The following SELENOI variants were observed in gnomAD, a reference collection of about 807,000 sequenced individuals.
SELENOI encodes the protein selenoprotein I.
SELENOI carries 24 observed loss-of-function variants against 50.7 expected under a neutral mutation model. That is an observed-to-expected ratio of 0.47 (90% confidence interval 0.34 to 0.67). The LOEUF (loss-of-function observed/expected upper bound fraction) is 0.67, where lower values mean the gene tolerates loss of function less well. SELENOI is among the 30% of genes least tolerant of loss of function. SELENOI has a pLI of 0.01. For missense variants in SELENOI, 352 were observed against 461.4 expected (o/e 0.76, Z 2.17); for synonymous variants, 155 against 170.2 (o/e 0.91, Z 0.70).
chr2:26,347,926 A>G (rs1332091845), intron 1 of SELENOI, among the ~76,000 whole-genome samples: 1 of 152,188 alleles, frequency 6.6e-6, no homozygotes, highest in Non-Finnish European at 1.5e-5. Context: ...CTGACAGCAG[A>G]TGACTTCCTA....
chr2:26,382,039 T>C (rs900989146), intron 6 of SELENOI, among the ~76,000 whole-genome samples: 1 of 152,146 alleles, frequency 6.6e-6, no homozygotes, highest in African/African-American at 2.4e-5. Flanking sequence ...AGAAAATAAT[T>C]AGGAACTTAT....
intron 1 of SELENOI, among the ~76,000 whole-genome samples, chr2:26,360,143 A>G (rs1278712287): frequency 6.6e-6 from 1 of 152,200 alleles, no homozygotes; most frequent in Admixed American, 6.5e-5. Context: ...CTAGTCTAGC[A>G]CCTTTAAAAG....
intron 9 of SELENOI, among the ~76,000 whole-genome samples, chr2:26,387,796 T>C (rs1487851360): frequency 1.3e-5 from 2 of 152,124 alleles, no homozygotes; most frequent in Admixed American, 1.3e-4. Flanking sequence ...GATAATTTCA[T>C]AGGAATGGGG....
At chr2:26,348,711 A>G (rs370829972) in intron 1 of SELENOI, among the ~76,000 whole-genome samples, 101 of 149,970 alleles carry the variant, frequency 6.7e-4, no homozygotes, top group African/African-American at 2.3e-3. Context: ...TTTTTCTTTA[A>G]TAACATGACT....
chr2:26,380,543 T>A (rs1677668721), intron 6 of SELENOI, among the ~76,000 whole-genome samples: 1 of 152,232 alleles, frequency 6.6e-6, no homozygotes, highest in Admixed American at 6.5e-5. Flanking sequence ...AATAGACATT[T>A]GGGTTAGTTC....
chr2:26,359,167 G>A (rs759390919), intron 1 of SELENOI, among the ~76,000 whole-genome samples: 1 of 152,150 alleles, frequency 6.6e-6, no homozygotes, highest in Admixed American at 6.5e-5. Context: ...GGCCTGCAAA[G>A]CCTCAAATAT....
intron 1 of SELENOI, among the ~76,000 whole-genome samples, chr2:26,353,462 A>G (rs1488954104): frequency 2.6e-5 from 4 of 152,242 alleles, no homozygotes; most frequent in African/African-American, 9.6e-5. Context: ...TATGACTACA[A>G]GCTGACTACA....
chr2:26,371,830 C>T (rs752629291), intron 4 of SELENOI, among the ~76,000 whole-genome samples: 8 of 152,108 alleles, frequency 5.3e-5, no homozygotes, highest in African/African-American at 9.7e-5. Flanking sequence ...AGCTTCGGCT[C>T]GGCATGAGAG....
chr2:26,384,471 C>T (rs1677797897), intron 7 of SELENOI, among the ~76,000 whole-genome samples: 1 of 152,140 alleles, frequency 6.6e-6, no homozygotes, highest in African/African-American at 2.4e-5. Context: ...CTCCTGTGTG[C>T]TTAGAGACAC....
chr2:26,365,904 C>T (rs754037940), intron 3 of SELENOI, among the ~76,000 whole-genome samples: 37 of 148,806 alleles, frequency 2.5e-4, no homozygotes, highest in Admixed American at 2.1e-3. Flanking sequence ...CAGGTTCAAG[C>T]GATTCTCCTG....
At chr2:26,354,475 C>G (rs577332407) in intron 1 of SELENOI, among the ~76,000 whole-genome samples, 1 of 152,248 alleles carries the variant, frequency 6.6e-6, no homozygotes, top group South Asian at 2.1e-4. Context: ...CAAGCTCCGC[C>G]TCCTGGGTTC....
At position 26,346,145 on chromosome 2, in the gene SELENOI, C is replaced by A; in HGVS notation, c.-88C>A. ...CCTTCTCGGGCAGCCCAGTCTTTGC[C>A]ATCCTTGCCCAGCCGGTGTGGTGCT... On this transcript the variant is annotated 5_prime_UTR_variant, in exon 1 of 10. Coordinates refer to ENST00000260585, the MANE Select transcript of SELENOI (RefSeq NM_033505.4). The A allele has an allele frequency of 6.2e-7, 1 of 1,604,184 alleles. No homozygotes were observed. Among genetic ancestry groups the A allele is most frequent in the Non-Finnish European group, 8.5e-7 (1 of 1,175,924 alleles).
chr2:26,368,652 T>C (rs1484600782), intron 4 of SELENOI, among the ~76,000 whole-genome samples: 1 of 152,180 alleles, frequency 6.6e-6, no homozygotes, highest in Non-Finnish European at 1.5e-5. Flanking sequence ...TGCCCTGAAT[T>C]ACCTTTTTAA....
At chr2:26,364,240 T>C (rs1677242121) in intron 1 of SELENOI, 62 bp from the exon 2 acceptor site, 2 of 1,185,346 alleles carry the variant, frequency 1.7e-6, no homozygotes, top group African/African-American at 1.5e-5. Flanking sequence ...ACCTAAGAAA[T>C]GTTATTCTGT....
chr2:26,368,862 C>T (rs967345865), intron 4 of SELENOI, among the ~76,000 whole-genome samples: 6 of 152,138 alleles, frequency 3.9e-5, no homozygotes, highest in Admixed American at 3.9e-4. Context: ...TTAGCTACTT[C>T]AGGGCAAAAA....
chr2:26,389,534 A>C lies in SELENOI; in HGVS notation c.*431A>C, dbSNP rs1400385571. On this transcript the variant is annotated 3_prime_UTR_variant, in exon 10 of 10. Transcript: ENST00000260585. ...AGTAGCAGTAGTCCAAACCTAGTAT[A>C]GGGAAAGGATAAAAATAAGTCACCT... 1.9e-5 allele frequency: 3 copies of C among 154,646 alleles called. 1 individual carries two copies. The highest frequency in any genetic ancestry group is 4.3e-5 in the Non-Finnish European group (3 of 69,248). 9.6% of individuals were successfully genotyped at this position (154,646 alleles called of 1,614,324 possible).
chr2:26,385,567 T>C (rs1394705695), intron 8 of SELENOI, among the ~76,000 whole-genome samples: 2 of 152,228 alleles, frequency 1.3e-5, no homozygotes, highest in African/African-American at 4.8e-5. Flanking sequence ...ATTAAGAACG[T>C]GGAATTTAAA....
At chr2:26,368,738 A>T (rs1417146760) in intron 4 of SELENOI, among the ~76,000 whole-genome samples, 1 of 152,196 alleles carries the variant, frequency 6.6e-6, no homozygotes, top group Non-Finnish European at 1.5e-5. Context: ...AATGTATAAA[A>T]CCTAATTAAT....
intron 6 of SELENOI, among the ~76,000 whole-genome samples, chr2:26,379,673 C>T (rs1677642850): frequency 6.6e-6 from 1 of 152,080 alleles, no homozygotes; most frequent in Admixed American, 6.5e-5. Flanking sequence ...ATAATATTAA[C>T]AGACATTGAT....
Sources: gnomAD v4.1 joint callset for allele counts (sites outside exome capture counted in the v4.1 genomes callset) on GRCh38, gnomAD v4.1.1 for gene constraint, MANE v1.5 for transcripts, NCBI Gene and HGNC (gene_info 2026-07-23, HGNC 2026-07-21) for gene names.